CTTNBP2: variants seen among roughly 807,000 people sequenced by gnomAD.
CTTNBP2 encodes cortactin binding protein 2.
In CTTNBP2, 108 loss-of-function variants were observed where a neutral mutation model predicts 156.9. The ratio of observed to expected loss-of-function variants is 0.69; its 90% CI spans 0.59 to 0.81. The LOEUF (loss-of-function observed/expected upper bound fraction) is 0.81. Ranked by LOEUF, CTTNBP2 falls within the 30% of genes least tolerant of loss-of-function variation. The pLI, the probability that CTTNBP2 is intolerant of heterozygous loss-of-function variation, is 0.00. For missense variants in CTTNBP2, 1,924 were observed against 2,035.4 expected (o/e 0.95, Z 1.05); for synonymous variants, 767 against 751.8 (o/e 1.02, Z -0.33).
chr7:117,868,797 A>T (rs1470495026), intron 1 of CTTNBP2, among the ~76,000 whole-genome samples: 2 of 152,224 alleles, frequency 1.3e-5, no homozygotes, highest in South Asian at 4.1e-4. Flanking sequence ...AGGCCTGGGT[A>T]GCAAAGTAAA....
intron 3 of CTTNBP2, among the ~76,000 whole-genome samples, chr7:117,798,521 A>G (rs1298793584): frequency 2.0e-5 from 3 of 152,170 alleles, no homozygotes; most frequent in Admixed American, 2.0e-4. Context: ...AATTTAGAAT[A>G]TATTTGGGGC....
At chr7:117,799,527 A>G (rs1223969880) in intron 3 of CTTNBP2, among the ~76,000 whole-genome samples, 2 of 152,060 alleles carry the variant, frequency 1.3e-5, no homozygotes, top group South Asian at 2.1e-4. Context: ...AGCATCTATG[A>G]AAAGCACAGC....
chr7:117,791,185 C>T lies in CTTNBP2; in HGVS notation c.2011G>A (p.Val671Ile), dbSNP rs755763104. ...TIAFCSSINP[V>I]SASSCRPGAS... ...CCTGGTCTACAGGATGAGGCACTAA[C>T]GGGGTTTATGGAAGAGCAAAAGGCA... Residue 671 changes from valine to isoleucine, a missense_variant, in exon 4 of 23, where the codon GTT (valine) becomes ATT (isoleucine). Coordinates refer to ENST00000160373, the MANE Select transcript of CTTNBP2 (RefSeq NM_033427.3). The T allele has an allele frequency of 4.7e-5, 76 of 1,613,976 alleles. No homozygotes were observed. The highest frequency in any genetic ancestry group is 6.0e-5 in the Non-Finnish European group (71 of 1,180,040).
intron 19 of CTTNBP2, among the ~76,000 whole-genome samples, chr7:117,722,263 T>C (rs534810732): frequency 1.2e-4 from 18 of 151,916 alleles, no homozygotes; most frequent in Non-Finnish European, 2.2e-4. Flanking sequence ...GTTGGTTTTT[T>C]TTTTTTTTTT....
chr7:117,861,361 G>A, intron 1 of CTTNBP2, 45 bp from the exon 2 acceptor site: 1 of 1,341,606 alleles, frequency 7.5e-7, no homozygotes, highest in Non-Finnish European at 1.1e-6. Context: ...CTTTTCCTAA[G>A]GAAGACACAC....
rs192744844 is a variant in CTTNBP2, at chr7:117,768,832, G to A, written c.2779-1656C>T. ...GTATGTAGGTGCATTTTTATATTTT[G>A]CTTCTTTCATTCAACATAATGCCTC... is the stretch of plus-strand genomic sequence containing the variant. On this transcript the variant is annotated intron_variant, in intron 8 of 22. Coordinates refer to ENST00000160373, the MANE Select transcript of CTTNBP2 (RefSeq NM_033427.3). 2.6e-5 allele frequency among the ~76,000 whole-genome samples: 4 copies of A among 152,146 alleles called. No homozygotes were observed. In the East Asian group the frequency reaches 7.7e-4, roughly 29 times the overall value.
At chr7:117,761,058 C>T (rs1160341311) in intron 9 of CTTNBP2, among the ~76,000 whole-genome samples, 1 of 152,058 alleles carries the variant, frequency 6.6e-6, no homozygotes, top group Non-Finnish European at 1.5e-5. Flanking sequence ...ATTCTCCTTT[C>T]CTTCATAGAT....
chr7:117,720,820 TCAACAAATTA>T (rs777515696), intron 20 of CTTNBP2, among the ~76,000 whole-genome samples: 1 of 152,230 alleles, frequency 6.6e-6, no homozygotes, highest in Non-Finnish European at 1.5e-5. Flanking sequence ...CTAACCTTAT[TCAACAAATTA>T]CAAGCAAAAT....
At chr7:117,711,831 A>G in intron 22 of CTTNBP2, 49 bp from the exon 23 acceptor site, 2 of 1,566,244 alleles carry the variant, frequency 1.3e-6, no homozygotes, top group Non-Finnish European at 1.7e-6. Flanking sequence ...TTCTCCTGTT[A>G]TGAGCCCTAC....
At chr7:117,757,518 T>C (rs1485877234) in intron 11 of CTTNBP2, among the ~76,000 whole-genome samples, 1 of 140,792 alleles carries the variant, frequency 7.1e-6, no homozygotes, top group Non-Finnish European at 1.5e-5. Flanking sequence ...TTAAGCATTA[T>C]TAAGCACAGT....
chr7:117,802,437 C>CAAAAAAAAAAA (rs759797673), intron 3 of CTTNBP2, among the ~76,000 whole-genome samples: 17 of 83,726 alleles, frequency 2.0e-4, no homozygotes, highest in Admixed American at 8.4e-4. Flanking sequence ...TCAGCATTGG[C>CAAAAAAAAAAA]AAAAAAAAAA....
intron 17 of CTTNBP2, among the ~76,000 whole-genome samples, chr7:117,726,987 A>G (rs938744269): frequency 6.6e-6 from 1 of 152,192 alleles, no homozygotes; most frequent in South Asian, 2.1e-4. Context: ...TCCATATAGG[A>G]GAGGTCAAAA....
intron 14 of CTTNBP2, among the ~76,000 whole-genome samples, chr7:117,739,881 A>G (rs34643488): frequency 0.046 from 6,998 of 152,174 alleles, 213 homozygotes; most frequent in African/African-American, 0.07. Context: ...TGTAACAGCA[A>G]CCCTATCCTC....
chr7:117,748,666 C>T (rs1796467524), intron 12 of CTTNBP2, among the ~76,000 whole-genome samples: 1 of 152,200 alleles, frequency 6.6e-6, no homozygotes, highest in Non-Finnish European at 1.5e-5. Context: ...TAACACTTTT[C>T]CTTGTAATCT....
At chr7:117,780,309 A>C (rs1223063030) in intron 7 of CTTNBP2, 132 bp downstream of exon 7, 1 of 577,356 alleles carries the variant, frequency 1.7e-6, no homozygotes, top group Admixed American at 3.2e-5. Flanking sequence ...AGGGTCAGAC[A>C]CTTTCCAAAT....
At position 117,870,665 on chromosome 7, in the gene CTTNBP2, A is replaced by C. The variant is rs990221293; in HGVS notation, c.81+2670T>G. On this transcript the variant is annotated intron_variant, in intron 1 of 22. Transcript: ENST00000160373. The stretch of plus-strand genomic sequence containing the variant: ...AAATTCTTTGGTGACAATAAAAAGC[A>C]TGAAGATTTCGTTTTCCATACTGCC... Among the ~76,000 whole-genome samples the C allele has an allele frequency of 3.9e-5, 6 of 152,252 alleles. No homozygotes were observed. In the East Asian group the frequency reaches 7.7e-4, roughly 20 times the overall value.
chr7:117,767,138 C>G lies in CTTNBP2; in HGVS notation c.2817G>C (p.Glu939Asp). 1 of 1,612,700 alleles carries G rather than the reference C, an allele frequency of 6.2e-7. No homozygotes were observed. Among genetic ancestry groups the G allele is most frequent in the Non-Finnish European group, 8.5e-7 (1 of 1,178,724 alleles). The change falls in exon 9 of 23, where the codon GAG becomes GAC. Residue 939 changes from glutamate to aspartate, a missense_variant. Transcript: ENST00000160373. ...LEILCRHGGL[E>D]PERRDKCNRT... is the part of the protein sequence containing the mutation. Reference sequence around the variant, plus strand: ...GATTGCACTTGTCTCTCCTTTCTGGCTCAAGCCCTCCGTGCCTACACAAGA... The same window carrying G: ...GATTGCACTTGTCTCTCCTTTCTGGGTCAAGCCCTCCGTGCCTACACAAGA...
intron 16 of CTTNBP2, among the ~76,000 whole-genome samples, chr7:117,731,166 T>C (rs1795378094): frequency 6.6e-6 from 1 of 152,154 alleles, no homozygotes; most frequent in South Asian, 2.1e-4. Context: ...CAGAAGTTCT[T>C]AAAAAGAGAA....
chr7:117,756,032 G>C (rs1054952454), intron 12 of CTTNBP2, among the ~76,000 whole-genome samples: 2 of 152,176 alleles, frequency 1.3e-5, no homozygotes, highest in Non-Finnish European at 2.9e-5. Context: ...AGATCCTGGG[G>C]AGGTCACCCT....
Sources: gnomAD v4.1 joint callset for allele counts (sites outside exome capture counted in the v4.1 genomes callset) on GRCh38, gnomAD v4.1.1 for gene constraint, MANE v1.5 for transcripts, NCBI Gene and HGNC (gene_info 2026-07-23, HGNC 2026-07-21) for gene names.